RORB: variants seen among roughly 807,000 people sequenced by gnomAD.
The protein encoded by RORB is nuclear receptor ROR-beta.
Under a neutral mutation model 59.1 loss-of-function variants are expected in RORB, and 6 were observed. That is an observed-to-expected ratio of 0.10 (90% CI 0.06 to 0.20). The LOEUF is 0.20. Ranked by LOEUF, RORB falls within the 10% of genes least tolerant of loss-of-function variation. The pLI, the probability that RORB is intolerant of heterozygous loss-of-function variation, is 1.00. For missense variants in RORB, 320 were observed against 560.5 expected, an observed-to-expected ratio of 0.57 and a Z score of 4.33; for synonymous variants, 215 against 204.5, an observed-to-expected ratio of 1.05 and a Z score of -0.44.
chr9:74,614,142 T>G (rs2118365418), intron 1 of RORB, among the ~76,000 whole-genome samples: 1 of 152,262 alleles, frequency 6.6e-6, no homozygotes, highest in East Asian at 1.9e-4. Context: ...TTGAGAAATA[T>G]CCACCTGCTT....
chr9:74,616,496 A>G (rs1823314748), intron 1 of RORB, among the ~76,000 whole-genome samples: 1 of 152,196 alleles, frequency 6.6e-6, no homozygotes, highest in South Asian at 2.1e-4. Flanking sequence ...GCAATTACCA[A>G]TTTCAAAATA....
intron 1 of RORB, among the ~76,000 whole-genome samples, chr9:74,616,519 G>T (rs768656831): frequency 2.0e-5 from 3 of 152,106 alleles, no homozygotes; most frequent in Non-Finnish European, 2.9e-5. Context: ...TGCATTTAAA[G>T]ATTTTATTGG....
At chr9:74,653,239 C>T (rs1256891101) in intron 4 of RORB, among the ~76,000 whole-genome samples, 2 of 152,096 alleles carry the variant, frequency 1.3e-5, no homozygotes, top group African/African-American at 4.8e-5. Flanking sequence ...TTATGAAAAC[C>T]TAATGTAGGC....
chr9:74,542,961 C>A (rs1826431754), intron 1 of RORB, among the ~76,000 whole-genome samples: 1 of 152,172 alleles, frequency 6.6e-6, no homozygotes, highest in South Asian at 2.1e-4. Context: ...ATAATGGAAT[C>A]TACCTTAAAA....
chr9:74,636,013 CAAAGCT>C (rs1823696419), intron 3 of RORB, among the ~76,000 whole-genome samples: 1 of 148,616 alleles, frequency 6.7e-6, no homozygotes, highest in South Asian at 2.1e-4. Context: ...AGGTAGCTTC[CAAAGCT>C]ACAGAGACGA....
chr9:74,635,652 G>C (rs1202836789), intron 3 of RORB, among the ~76,000 whole-genome samples: 1 of 152,084 alleles, frequency 6.6e-6, no homozygotes, highest in Non-Finnish European at 1.5e-5. Context: ...CTAAATGTTT[G>C]TTGAATAAAC....
intron 1 of RORB, among the ~76,000 whole-genome samples, chr9:74,587,605 G>C (rs908847800): frequency 6.6e-6 from 1 of 152,250 alleles, no homozygotes; most frequent in East Asian, 1.9e-4. Flanking sequence ...AGCTAGGGAC[G>C]GATGATCCAG....
intron 4 of RORB, among the ~76,000 whole-genome samples, chr9:74,654,680 C>T (rs118166402): frequency 0.014 from 2,168 of 152,236 alleles, 32 homozygotes; most frequent in South Asian, 0.051. Flanking sequence ...CTTTCTGAGA[C>T]TTCTTTTTAT....
intron 1 of RORB, among the ~76,000 whole-genome samples, chr9:74,504,984 A>G (rs1156287373): frequency 6.6e-6 from 1 of 152,104 alleles, no homozygotes; most frequent in Non-Finnish European, 1.5e-5. Context: ...ATCATGTGAC[A>G]ACCAGAGATA....
At chr9:74,514,324 A>C (rs1825980644) in intron 1 of RORB, among the ~76,000 whole-genome samples, 1 of 152,094 alleles carries the variant, frequency 6.6e-6, no homozygotes, top group Non-Finnish European at 1.5e-5. Flanking sequence ...CCCAAATAGT[A>C]AATATTTTAG....
At chr9:74,559,112 A>G (rs954524675) in intron 1 of RORB, among the ~76,000 whole-genome samples, 3 of 152,210 alleles carry the variant, frequency 2.0e-5, no homozygotes, top group Non-Finnish European at 4.4e-5. Flanking sequence ...CGTGCATACG[A>G]TTTGATAACC....
intron 1 of RORB, among the ~76,000 whole-genome samples, chr9:74,577,751 A>AGGC (rs1822660206): frequency 1.3e-5 from 2 of 152,080 alleles, no homozygotes; most frequent in Non-Finnish European, 2.9e-5. Context: ...TATAAAATGG[A>AGGC]GGCAAAAACA....
chr9:74,607,902 T>A (rs1823173861), intron 1 of RORB, among the ~76,000 whole-genome samples: 1 of 152,184 alleles, frequency 6.6e-6, no homozygotes, highest in African/African-American at 2.4e-5. Flanking sequence ...GCAAGGTTTC[T>A]AGGCATACTG....
intron 4 of RORB, among the ~76,000 whole-genome samples, chr9:74,653,146 G>C (rs957491995): frequency 6.6e-6 from 1 of 152,100 alleles, no homozygotes; most frequent in African/African-American, 2.4e-5. Flanking sequence ...GTGTGCATTT[G>C]GTTAAATGTT....
chr9:74,579,920 G>A (rs767710570), intron 1 of RORB, among the ~76,000 whole-genome samples: 5 of 152,102 alleles, frequency 3.3e-5, no homozygotes, highest in African/African-American at 1.2e-4. Flanking sequence ...ATTATATGCA[G>A]TTAACTATAG....
At chr9:74,623,477 A>AT in intron 1 of RORB, among the ~76,000 whole-genome samples, 1 of 145,418 alleles carries the variant, frequency 6.9e-6, no homozygotes, top group African/African-American at 2.5e-5. Flanking sequence ...TCTTTCAATT[A>AT]TCCTACTGCC....
intron 1 of RORB, among the ~76,000 whole-genome samples, chr9:74,502,415 G>A (rs1825814911): frequency 6.6e-6 from 1 of 151,950 alleles, no homozygotes. Flanking sequence ...TGCTTTTTCA[G>A]CTATGACATC....
At chr9:74,645,985 T>C (rs1193493879) in intron 4 of RORB, among the ~76,000 whole-genome samples, 1 of 152,182 alleles carries the variant, frequency 6.6e-6, no homozygotes, top group African/African-American at 2.4e-5. Context: ...GTATGCACGC[T>C]GTCATTTTGA....
intron 1 of RORB, among the ~76,000 whole-genome samples, chr9:74,623,963 A>G (rs1467256958): frequency 1.3e-5 from 2 of 152,152 alleles, no homozygotes; most frequent in Non-Finnish European, 2.9e-5. Context: ...TCTCTTAATG[A>G]TTATACTAAT....
Sources: allele counts gnomAD v4.1 joint callset (sites outside exome capture counted in the v4.1 genomes callset), GRCh38; gene constraint gnomAD v4.1.1; transcripts MANE v1.5; gene names NCBI Gene and HGNC (gene_info 2026-07-23, HGNC 2026-07-21).